The following SHB variants were observed in gnomAD, a reference collection of about 807,000 sequenced individuals.
The protein encoded by SHB is SH2 domain containing adaptor protein B, also known as SH2 domain-containing adapter protein B.
In SHB, 20 loss-of-function variants were observed where a neutral mutation model predicts 52.3. The ratio of observed to expected loss-of-function variants is 0.38; its 90% CI spans 0.27 to 0.56. The LOEUF (loss-of-function observed/expected upper bound fraction) is 0.56, where lower values mean the gene tolerates loss of function less well. SHB is among the 20% of genes least tolerant of loss of function. SHB has a pLI of 0.71. For synonymous variants in SHB, 397 were observed against 316.5 expected, an observed-to-expected ratio of 1.25 and a Z score of -2.70; for missense variants, 825 against 723.3, an observed-to-expected ratio of 1.14 and a Z score of -1.61.
intron 5 of SHB, among the ~76,000 whole-genome samples, chr9:37,923,926 A>G (rs1437699424): frequency 6.6e-6 from 1 of 152,142 alleles, no homozygotes; most frequent in Non-Finnish European, 1.5e-5. Context: ...TCCGAGCCAC[A>G]TCTCCTCCCA....
intron 5 of SHB, among the ~76,000 whole-genome samples, chr9:37,923,258 C>G (rs1360379566): frequency 6.6e-6 from 1 of 152,228 alleles, no homozygotes; most frequent in African/African-American, 2.4e-5. Flanking sequence ...TCTGAGCAAA[C>G]ATCCCCTCCA....
Position 37,918,178 on chromosome 9 carries a change from C to T in SHB, c.*1643G>A, listed in dbSNP as rs539972295. Among the ~76,000 whole-genome samples the T allele has an allele frequency of 4.6e-5, 7 of 152,366 alleles. No homozygotes were observed. The highest frequency in any genetic ancestry group is 3.9e-4 in the East Asian group (2 of 5,184). On this transcript the variant is annotated 3_prime_UTR_variant, in exon 6 of 6. Transcript: ENST00000377707. The stretch of plus-strand genomic sequence containing the variant: ...GATGACAGTCGTCAAACTTCTAGTT[C>T]ATTCAGACCAGCTGGTGCCTGGCGA...
At chr9:38,049,385 G>C (rs1173632669) in intron 1 of SHB, among the ~76,000 whole-genome samples, 2 of 152,084 alleles carry the variant, frequency 1.3e-5, no homozygotes, top group Non-Finnish European at 2.9e-5. Context: ...GAGGTGGGCA[G>C]ATCCCCTGAG....
At chr9:38,065,992 A>T (rs948232122) in intron 1 of SHB, among the ~76,000 whole-genome samples, 35 of 152,098 alleles carry the variant, frequency 2.3e-4, no homozygotes, top group East Asian at 1.9e-3. Flanking sequence ...TCCCTCCTGT[A>T]ACCCTGTAAC....
intron 2 of SHB, among the ~76,000 whole-genome samples, chr9:38,007,556 TGGA>T (rs1414563130): frequency 1.3e-5 from 2 of 152,134 alleles, no homozygotes; most frequent in Admixed American, 6.5e-5. Flanking sequence ...TGGCATTCTT[TGGA>T]GGAGGATAGG....
intron 5 of SHB, among the ~76,000 whole-genome samples, chr9:37,937,472 A>G (rs1446071939): frequency 6.6e-6 from 1 of 152,188 alleles, no homozygotes; most frequent in East Asian, 1.9e-4. Flanking sequence ...ATAAGAAAAA[A>G]AAAAAAAGCA....
chr9:37,987,914 T>G (rs977030879), intron 2 of SHB, among the ~76,000 whole-genome samples: 2 of 152,022 alleles, frequency 1.3e-5, no homozygotes, highest in African/African-American at 4.8e-5. Context: ...GGTCCTCTGC[T>G]GGGGAGGACC....
chr9:38,040,651 G>A (rs1266708116), intron 1 of SHB, among the ~76,000 whole-genome samples: 1 of 152,136 alleles, frequency 6.6e-6, no homozygotes, highest in Non-Finnish European at 1.5e-5. Flanking sequence ...GCTCAGGCAG[G>A]GGTATCAGCA....
chr9:38,062,401 CCTCT>C (rs1265486499), intron 1 of SHB, among the ~76,000 whole-genome samples: 1 of 152,156 alleles, frequency 6.6e-6, no homozygotes, highest in Admixed American at 6.5e-5. Flanking sequence ...TGCAGCTCCT[CCTCT>C]CTCCTTGAAT....
chr9:37,952,006 G>C (rs1832572492), intron 4 of SHB, among the ~76,000 whole-genome samples: 1 of 152,146 alleles, frequency 6.6e-6, no homozygotes, highest in African/African-American at 2.4e-5. Flanking sequence ...TCGTGGGGTT[G>C]GCCAGTCAGG....
chr9:38,005,730 G>A (rs1821069511), intron 2 of SHB, among the ~76,000 whole-genome samples: 1 of 152,172 alleles, frequency 6.6e-6, no homozygotes, highest in Non-Finnish European at 1.5e-5. Context: ...CTACTTAGAG[G>A]AGAGTACTAA....
intron 2 of SHB, among the ~76,000 whole-genome samples, chr9:38,004,484 G>C (rs555867575): frequency 1.3e-5 from 2 of 152,324 alleles, no homozygotes; most frequent in South Asian, 4.1e-4. Flanking sequence ...TGGCAAAGGT[G>C]GGGGGACCAG....
In SHB at chr9:37,938,654, C is replaced by T. The variant is rs1028206463; in HGVS notation, c.1346+9981G>A. 3.3e-5 allele frequency among the ~76,000 whole-genome samples: 5 copies of T among 152,128 alleles called. No homozygotes were observed. The South Asian group carries it at 6.2e-4, about 19-fold the overall frequency. On this transcript the variant is annotated intron_variant, in intron 5 of 5. Coordinates refer to ENST00000377707, the MANE Select transcript of SHB (RefSeq NM_003028.3). ...GGGCTGATACGAGACAATTAAAAAC[C>T]GGCTGGAAATGTAATCGCGGCTGCT...
intron 2 of SHB, among the ~76,000 whole-genome samples, chr9:38,004,238 A>G (rs1821053810): frequency 1.3e-5 from 2 of 152,190 alleles, no homozygotes; most frequent in African/African-American, 2.4e-5. Flanking sequence ...GGGCTTCAGT[A>G]AACACCACCT....
chr9:38,021,186 A>G (rs972579524), intron 1 of SHB, among the ~76,000 whole-genome samples: 1 of 151,912 alleles, frequency 6.6e-6, no homozygotes, highest in Non-Finnish European at 1.5e-5. Context: ...AAAAACACAA[A>G]AAAATTAGCT....
At chr9:37,958,087 G>A (rs1445642784) in intron 3 of SHB, among the ~76,000 whole-genome samples, 1 of 152,182 alleles carries the variant, frequency 6.6e-6, no homozygotes, top group Non-Finnish European at 1.5e-5. Context: ...GAAAAGAGAT[G>A]GAGGCAAGGG....
Position 38,045,542 on chromosome 9 carries a change from T to C in SHB, c.717+22387A>G, listed in dbSNP as rs533646870. On this transcript the variant is annotated intron_variant, in intron 1 of 5. Transcript: ENST00000377707. ...AGGAGAATCTCTTGAATCTGGGAGGTAGAGGTCGCAGTGAGCCGGGATTGT... is the reference window on the plus strand; with the variant it reads ...AGGAGAATCTCTTGAATCTGGGAGGCAGAGGTCGCAGTGAGCCGGGATTGT... Among the ~76,000 whole-genome samples, 143 of 151,282 alleles carry C rather than the reference T, an allele frequency of 9.5e-4. 2 individuals carry two copies. Among genetic ancestry groups the C allele is most frequent in the Non-Finnish European group, 1.3e-4 (9 of 67,842 alleles).
At chr9:37,965,793 T>C (rs1021431828) in intron 3 of SHB, among the ~76,000 whole-genome samples, 1 of 152,132 alleles carries the variant, frequency 6.6e-6, no homozygotes, top group Non-Finnish European at 1.5e-5. Context: ...GTGCTGTCAC[T>C]TGCTGGCGGG....
intron 1 of SHB, among the ~76,000 whole-genome samples, chr9:38,025,835 TGATGA>T (rs1821334123): frequency 6.6e-6 from 1 of 152,146 alleles, no homozygotes; most frequent in African/African-American, 2.4e-5. Context: ...CTCCCCATGT[TGATGA>T]GGAGCCACCA....
Sources: gnomAD v4.1 joint callset for allele counts (sites outside exome capture counted in the v4.1 genomes callset) on GRCh38, gnomAD v4.1.1 for gene constraint, MANE v1.5 for transcripts, NCBI Gene and HGNC (gene_info 2026-07-23, HGNC 2026-07-21) for gene names.